The following MSI2 variants were observed in gnomAD, a reference collection of about 807,000 sequenced individuals.
MSI2 encodes musashi RNA binding protein 2, also known as RNA-binding protein Musashi homolog 2.
Under a neutral mutation model 45.6 loss-of-function variants are expected in MSI2, and 17 were observed. That is an observed-to-expected ratio of 0.37 (90% CI 0.26 to 0.56). MSI2 has a LOEUF of 0.56. Ranked by LOEUF, MSI2 falls within the 20% of genes least tolerant of loss-of-function variation. MSI2 has a pLI of 0.77. For synonymous variants in MSI2, 156 were observed against 158.2 expected, an observed-to-expected ratio of 0.99 and a Z score of 0.11; for missense variants, 293 against 444.2, an observed-to-expected ratio of 0.66 and a Z score of 3.06.
chr17:57,584,443 G>C (rs2088289506), intron 7 of MSI2, among the ~76,000 whole-genome samples: 1 of 152,226 alleles, frequency 6.6e-6, no homozygotes, highest in Admixed American at 6.5e-5. Flanking sequence ...GTGTAGCCGG[G>C]TGGGGTCATG....
At chr17:57,305,309 A>G (rs1460025688) in intron 5 of MSI2, among the ~76,000 whole-genome samples, 1 of 152,176 alleles carries the variant, frequency 6.6e-6, no homozygotes, top group South Asian at 2.1e-4. Context: ...AAAGTCAGGC[A>G]TCTCTGGAGC....
At chr17:57,388,955 C>T (rs2083734227) in intron 5 of MSI2, among the ~76,000 whole-genome samples, 1 of 150,672 alleles carries the variant, frequency 6.6e-6, no homozygotes, top group African/African-American at 2.4e-5. Flanking sequence ...CACCTAGCCC[C>T]TGCTCTTCTT....
At chr17:57,346,297 C>T (rs371598496) in intron 5 of MSI2, among the ~76,000 whole-genome samples, 21 of 151,406 alleles carry the variant, frequency 1.4e-4, no homozygotes, top group African/African-American at 4.9e-4. Flanking sequence ...CGAAGTAACC[C>T]CTTCTCATCC....
At chr17:57,610,030 CAA>C (rs566509005) in intron 8 of MSI2, among the ~76,000 whole-genome samples, 2 of 152,202 alleles carry the variant, frequency 1.3e-5, no homozygotes, top group South Asian at 4.2e-4. Context: ...GGTCCGCTGG[CAA>C]AACAAGCGTA....
intron 7 of MSI2, among the ~76,000 whole-genome samples, chr17:57,537,088 A>G (rs989624190): frequency 6.6e-6 from 1 of 152,160 alleles, no homozygotes; most frequent in African/African-American, 2.4e-5. Context: ...TTTCCATTGG[A>G]AAAGAGTTCT....
intron 5 of MSI2, among the ~76,000 whole-genome samples, chr17:57,370,264 A>G (rs2083401030): frequency 6.6e-6 from 1 of 152,194 alleles, no homozygotes; most frequent in African/African-American, 2.4e-5. Flanking sequence ...TTTTTAATCG[A>G]AATATCTTAA....
At chr17:57,623,768 G>T (rs983907851) in intron 9 of MSI2, among the ~76,000 whole-genome samples, 7 of 152,232 alleles carry the variant, frequency 4.6e-5, no homozygotes, top group Non-Finnish European at 8.8e-5. Context: ...CTGCTGTAAT[G>T]TGCTATTGAT....
In MSI2 at chr17:57,675,205, G is replaced by C. The variant is rs554858464; in HGVS notation, c.945+79G>C. 6 of 1,424,048 alleles carry C rather than the reference G, an allele frequency of 4.2e-6. No homozygotes were observed. In the Admixed American group the frequency reaches 9.4e-5, roughly 22 times the overall value. The allele number at this position is 1,424,048 out of a possible 1,614,324, so 88.2% of individuals were successfully genotyped here. A position where few individuals can be genotyped will look rare whatever the true frequency, so the allele number is the denominator to read the frequency against. On this transcript the variant is annotated intron_variant, in intron 12 of 13. Coordinates refer to ENST00000284073, the MANE Select transcript of MSI2 (RefSeq NM_138962.4). ...TGTGGCCTGTGGGTGTGCCAGGAAA[G>C]CCCAACATCGGGGGCAGAGGAGAGG...
intron 7 of MSI2, among the ~76,000 whole-genome samples, chr17:57,592,034 C>T (rs547921042): frequency 3.3e-5 from 5 of 151,304 alleles, no homozygotes; most frequent in Admixed American, 1.3e-4. Context: ...TAGCCGGGTG[C>T]GGTGGCGTGT....
intron 11 of MSI2, among the ~76,000 whole-genome samples, chr17:57,659,646 A>G (rs1911854384): frequency 6.6e-6 from 1 of 152,198 alleles, no homozygotes; most frequent in Non-Finnish European, 1.5e-5. Flanking sequence ...CTCCTTAAGT[A>G]GCCCTCTGGA....
At chr17:57,473,551 A>G (rs541789574) in intron 6 of MSI2, among the ~76,000 whole-genome samples, 1 of 152,314 alleles carries the variant, frequency 6.6e-6, no homozygotes, top group South Asian at 2.1e-4. Context: ...CTATTAAAAT[A>G]TCTACCAAAT....
rs148361869 is a variant in MSI2 at position 57,518,774 on chromosome 17, C to T, written c.406-10902C>T. On this transcript the variant is annotated intron_variant, in intron 6 of 13. Transcript: ENST00000284073. ...TCCCCTCCCCCAGCACATGCACGCA[C>T]GCACTCACAATCAGTGCTGAACACG... 5.9e-5 allele frequency among the ~76,000 whole-genome samples: 9 copies of T among 152,344 alleles called. No homozygotes were observed. In the South Asian group the frequency reaches 1.7e-3, roughly 28 times the overall value.
chr17:57,610,004 A>G (rs11653073), intron 8 of MSI2, among the ~76,000 whole-genome samples: 97,725 of 152,096 alleles, frequency 0.64, 31,575 homozygotes, highest in African/African-American at 0.67. Context: ...ATATATAGCT[A>G]TAAAGGTCAT....
At position 57,513,123 on chromosome 17, in the gene MSI2, G is replaced by A. The variant is rs1426212666; in HGVS notation, c.406-16553G>A. Among the ~76,000 whole-genome samples the A allele has an allele frequency of 5.9e-5, 9 of 151,896 alleles. No homozygotes were observed. The East Asian group carries it at 7.8e-4, about 13-fold the overall frequency. On this transcript the variant is annotated intron_variant, in intron 6 of 13. Coordinates refer to ENST00000284073, the MANE Select transcript of MSI2 (RefSeq NM_138962.4). Reference sequence around the variant, plus strand: ...TGAGTAGCCGGAATTACAGGTGCCCGCCACCACTGCTGGCTAATTTTTGTA... The same window carrying A: ...TGAGTAGCCGGAATTACAGGTGCCCACCACCACTGCTGGCTAATTTTTGTA...
At chr17:57,335,426 C>G (rs551224241) in intron 5 of MSI2, among the ~76,000 whole-genome samples, 1 of 152,274 alleles carries the variant, frequency 6.6e-6, no homozygotes, top group Middle Eastern at 3.4e-3. Flanking sequence ...TTATTGGAAC[C>G]CAGCTACACA....
At chr17:57,653,313 G>A (rs1911319475) in intron 11 of MSI2, among the ~76,000 whole-genome samples, 2 of 152,166 alleles carry the variant, frequency 1.3e-5, no homozygotes, top group South Asian at 4.2e-4. Context: ...GTTTTGTTTG[G>A]AGGGGGCTAG....
chr17:57,491,460 G>A (rs906804289), intron 6 of MSI2, among the ~76,000 whole-genome samples: 5 of 152,344 alleles, frequency 3.3e-5, no homozygotes, highest in South Asian at 4.1e-4. Flanking sequence ...TGGGGCAGAG[G>A]CAGCCAGCCT....
chr17:57,318,541 G>C (rs1200810628), intron 5 of MSI2, among the ~76,000 whole-genome samples: 1 of 152,094 alleles, frequency 6.6e-6, no homozygotes, highest in East Asian at 1.9e-4. Flanking sequence ...AGAAATTGTG[G>C]GCTGTGTCAG....
At chr17:57,295,350 A>G (rs540490564) in intron 5 of MSI2, among the ~76,000 whole-genome samples, 6 of 152,258 alleles carry the variant, frequency 3.9e-5, no homozygotes, top group Non-Finnish European at 7.4e-5. Context: ...CAGGCTCCCC[A>G]TGGCTAAAAA....
Sources: allele counts gnomAD v4.1 joint callset (sites outside exome capture counted in the v4.1 genomes callset), GRCh38; gene constraint gnomAD v4.1.1; transcripts MANE v1.5; gene names NCBI Gene and HGNC (gene_info 2026-07-23, HGNC 2026-07-21).